Variants in LPIN2 observed in about 807,000 individuals in gnomAD.
LPIN2 encodes the protein lipin 2.
In LPIN2, 55 loss-of-function variants were observed where a neutral mutation model predicts 111.4. The observed-to-expected ratio is 0.49, with a 90% confidence interval of 0.40 to 0.62. The LOEUF (loss-of-function observed/expected upper bound fraction) is 0.62, where lower values mean the gene tolerates loss of function less well. Among genes scored for constraint, LPIN2 ranks in the 20% least tolerant of loss-of-function variants. The probability of loss-of-function intolerance (pLI) is 0.00; values close to 1 mark genes in which losing one functional copy is unlikely to be tolerated. For missense variants in LPIN2, 992 were observed against 1,112.1 expected (o/e 0.89, Z 1.54); for synonymous variants, 425 against 414.0 (o/e 1.03, Z -0.32).
At chr18:2,940,177 C>T (rs1257658366) in intron 5 of LPIN2, among the ~76,000 whole-genome samples, 1 of 151,846 alleles carries the variant, frequency 6.6e-6, no homozygotes, top group East Asian at 1.9e-4. Context: ...AAATTTAAAA[C>T]TTAGCTGAGC....
In LPIN2 at chr18:2,951,234, G is replaced by A. The variant is rs368711151; in HGVS notation, c.411C>T (p.Ile137=). 1 of 1,614,098 alleles carries A rather than the reference G, an allele frequency of 6.2e-7. No individual in the cohort carries two copies. The highest frequency in any genetic ancestry group is 1.3e-5 in the African/African-American group (1 of 74,978). Residue 137 remains isoleucine, a synonymous_variant, in exon 4 of 20, where the codon ATC becomes ATT. Coordinates refer to ENST00000677752, the MANE Select transcript of LPIN2 (RefSeq NM_001375808.2). Reference sequence around the variant, plus strand: ...TTGTCTCTGTTTCCAAGACGTGTGAGATGTCTGAACTCTGAGATGGTGTTT... The same window carrying A: ...TTGTCTCTGTTTCCAAGACGTGTGAAATGTCTGAACTCTGAGATGGTGTTT... ...GDETPSQSSD[I]SHVLETETIF...
At chr18:3,011,074 T>A (rs544860544) in intron 1 of LPIN2, among the ~76,000 whole-genome samples, 1 of 152,240 alleles carries the variant, frequency 6.6e-6, no homozygotes, top group Admixed American at 6.5e-5. Context: ...TGGAACTTAC[T>A]GAGCAGCTAT....
At chr18:2,926,374 AC>A (rs1423610487) in intron 13 of LPIN2, among the ~76,000 whole-genome samples, 1 of 152,100 alleles carries the variant, frequency 6.6e-6, no homozygotes, top group Non-Finnish European at 1.5e-5. Context: ...AGGAAAGGAA[AC>A]CCACCCAAGC....
rs1019214576 is a variant in LPIN2 at position 2,921,981 on chromosome 18, C to CA, written c.2327+65dup. ...TGACTTCTGTTCCCACACATCCCCC[C>CA]ACCTTGGGCCCAGCCCCGCCCACAT... is the stretch of plus-strand genomic sequence containing the variant. On this transcript the variant is annotated intron_variant, in intron 17 of 19. Transcript: ENST00000677752. 7.8e-6 allele frequency: 12 copies of CA among 1,542,884 alleles called. No individual in the cohort carries two copies. In the African/African-American group the frequency reaches 1.5e-4, roughly 19 times the overall value.
intron 1 of LPIN2, among the ~76,000 whole-genome samples, chr18:2,973,745 T>A (rs2077961572): frequency 6.6e-6 from 1 of 152,260 alleles, no homozygotes; most frequent in Admixed American, 6.5e-5. Flanking sequence ...AGTCCAAACA[T>A]AAAATTCATT....
Position 2,986,422 on chromosome 18 carries a change from T to A in LPIN2, c.-9-25573A>T, listed in dbSNP as rs1466830618. Reference sequence around the variant, plus strand: ...ACAGAAGAGAAAAAACAAGGGAGGGTCTCCTGAGGTCAGACGCCCAGCTTA... The same window carrying A: ...ACAGAAGAGAAAAAACAAGGGAGGGACTCCTGAGGTCAGACGCCCAGCTTA... On this transcript the variant is annotated intron_variant, in intron 1 of 19. Transcript: ENST00000677752. Among the ~76,000 whole-genome samples, 3 of 149,880 alleles carry A rather than the reference T, an allele frequency of 2.0e-5. No homozygotes were observed. The Admixed American group carries it at 2.0e-4, about 10-fold the overall frequency.
chr18:2,924,493 G>A lies in LPIN2; in HGVS notation c.1992C>T (p.Thr664=). Residue 664 remains threonine (T), a synonymous_variant, in exon 15 of 20, where the codon ACC becomes ACT. Coordinates refer to ENST00000677752, the MANE Select transcript of LPIN2 (RefSeq NM_001375808.2). The stretch of plus-strand genomic sequence containing the variant: ...CACAGCGACAGGTGCCTTGATACTG[G>A]GTTGTAATACTAAACACAACATCAT... The part of the protein sequence containing the change: ...GPNDVVFSIT[T]QYQGTCRCAG... 6.2e-7 allele frequency: 1 copy of A among 1,614,112 alleles called. No homozygotes were observed. The highest frequency in any genetic ancestry group is 8.5e-7 in the Non-Finnish European group (1 of 1,179,978).
chr18:2,951,228 G>A lies in LPIN2; in HGVS notation c.417C>T (p.His139=), dbSNP rs752124144. Residue 139 remains histidine, a synonymous_variant, in exon 4 of 20, where the codon CAC becomes CAT. Transcript: ENST00000677752. ...ETPSQSSDIS[H]VLETETIFTP... ...TAAAAATTGTCTCTGTTTCCAAGAC[G>A]TGTGAGATGTCTGAACTCTGAGATG... The A allele has an allele frequency of 6.2e-6, 10 of 1,613,878 alleles. No homozygotes were observed. Among genetic ancestry groups the A allele is most frequent in the African/African-American group, 5.3e-5 (4 of 74,834 alleles).
At chr18:2,960,516 A>G in intron 2 of LPIN2, 133 bp downstream of exon 2, 1 of 477,626 alleles carries the variant, frequency 2.1e-6, no homozygotes. Flanking sequence ...ATTCAGGTTA[A>G]AAAAAAAAAA....
Position 2,917,318 on chromosome 18 carries a change from T to G in LPIN2, c.*2975A>C, listed in dbSNP as rs1225509170. 6.6e-6 allele frequency: 1 copy of G among 152,236 alleles called. No individual in the cohort carries two copies. Among genetic ancestry groups the G allele is most frequent in the Non-Finnish European group, 1.5e-5 (1 of 68,040 alleles). 9.4% of individuals were successfully genotyped at this position (152,236 alleles called of 1,614,324 possible). Reference sequence around the variant, plus strand: ...AGGGAAAGACTCAATTTTTAACCAGTTTTATTAAACCCTGGAAGCTCTACA... The same window carrying G: ...AGGGAAAGACTCAATTTTTAACCAGGTTTATTAAACCCTGGAAGCTCTACA... On this transcript the variant is annotated 3_prime_UTR_variant, in exon 20 of 20. Transcript: ENST00000677752.
chr18:3,000,291 G>A lies in LPIN2; in HGVS notation c.-10+12796C>T, dbSNP rs2078415976. The stretch of plus-strand genomic sequence containing the variant: ...CTTTTTAAAGTACAGAAACAGGAGA[G>A]GAAAAAAAGGTAGGGAAAGGCAGGA... On this transcript the variant is annotated intron_variant, in intron 1 of 19. Coordinates refer to ENST00000677752, the MANE Select transcript of LPIN2 (RefSeq NM_001375808.2). Among the ~76,000 whole-genome samples, 3 of 151,916 alleles carry A rather than the reference G, an allele frequency of 2.0e-5. No individual in the cohort carries two copies. The South Asian group carries it at 6.2e-4, about 32-fold the overall frequency.
At position 2,926,804 on chromosome 18, in the gene LPIN2, A is replaced by T. The variant is rs142392384; in HGVS notation, c.1712T>A (p.Leu571Gln). 17 of 1,613,268 alleles carry T rather than the reference A, an allele frequency of 1.1e-5. No individual in the cohort carries two copies. Among genetic ancestry groups the T allele is most frequent in the Non-Finnish European group, 1.4e-5 (17 of 1,179,634 alleles). Reference protein sequence around the residue: ...WRKRESMTKQLPESKEGKSEA... With the variant: ...WRKRESMTKQQPESKEGKSEA... ...AGATTTTCCCTCCTTGGATTCTGGC[A>T]GCTGTAACAGCAAGATGATAATGGC... The change falls in exon 13 of 20, where the codon CTG becomes CAG. Residue 571 changes from leucine (L) to glutamine (Q), a missense_variant and splice_region_variant. This residue lies in a region of LPIN2 where 709 missense variants were observed against 753.2 expected (regional missense o/e 0.94). Coordinates refer to ENST00000677752, the MANE Select transcript of LPIN2 (RefSeq NM_001375808.2).
chr18:2,945,339 A>C (rs1568550056), intron 4 of LPIN2, among the ~76,000 whole-genome samples: 1 of 152,280 alleles, frequency 6.6e-6, no homozygotes, highest in Non-Finnish European at 1.5e-5. Context: ...CAGTAGGGAG[A>C]AACGAATAAT....
rs542665877 is a variant in LPIN2, at chr18:2,928,791, A to G, written c.1551-131T>C. ...CTTATTCTTTTCAATAAAGATGATC[A>G]GCTGAATTTTTTGTCACATGAATAA... On this transcript the variant is annotated intron_variant, in intron 10 of 19. Coordinates refer to ENST00000677752, the MANE Select transcript of LPIN2 (RefSeq NM_001375808.2). 4 of 778,746 alleles carry G rather than the reference A, an allele frequency of 5.1e-6. No individual in the cohort carries two copies. The East Asian group carries it at 1.1e-4, about 21-fold the overall frequency. 48.2% of individuals were successfully genotyped at this position (778,746 alleles called of 1,614,324 possible).
At chr18:2,988,523 T>C (rs1438588693) in intron 1 of LPIN2, among the ~76,000 whole-genome samples, 1 of 152,230 alleles carries the variant, frequency 6.6e-6, no homozygotes, top group Non-Finnish European at 1.5e-5. Context: ...GAAACACTGA[T>C]ACTCAGCTTT....
At chr18:2,965,731 CAAAAAA>C (rs35530040) in intron 1 of LPIN2, among the ~76,000 whole-genome samples, 1 of 103,266 alleles carries the variant, frequency 9.7e-6, no homozygotes, top group Non-Finnish European at 1.9e-5. Flanking sequence ...CTCCCAATCT[CAAAAAA>C]AAAAAAAAAA....
At chr18:2,975,916 C>G (rs1259701435) in intron 1 of LPIN2, among the ~76,000 whole-genome samples, 1 of 152,180 alleles carries the variant, frequency 6.6e-6, no homozygotes, top group East Asian at 1.9e-4. Flanking sequence ...TGAATTTTAT[C>G]CAAAATTCAA....
In LPIN2 at chr18:2,925,302, G is replaced by T. The variant is rs760510209; in HGVS notation, c.1860C>A (p.Asp620Glu). The T allele has an allele frequency of 6.2e-7, 1 of 1,614,160 alleles. No homozygotes were observed. Residue 620 changes from aspartate to glutamate, a missense_variant, in exon 14 of 20, where the codon GAC becomes GAA. Physicochemically the swap from Asp to Glu is conservative, Grantham distance 45. Around this residue, in one of 4 missense-constraint regions of LPIN2, gnomAD observed 709 missense variants for 753.2 expected, o/e 0.94. Transcript: ENST00000677752. The surrounding 1 kb of genome is among the most constrained non-coding windows in gnomAD (Gnocchi z 4.1). ...SQELEESITV[D>E]PIPTEPLSHG... ...GGCTCAGGGGCTCTGTGGGGATGGG[G>T]TCCACTGTGATGGATTCTTCGAGCT...
Position 2,919,718 on chromosome 18 carries a change from G to T in LPIN2, c.*575C>A. ...TGGGACTGGGCTCAGTGGCTCTGGT[G>T]CATGGGCCCTGCAGGGGCGGGGGTC... On this transcript the variant is annotated 3_prime_UTR_variant, in exon 20 of 20. Transcript: ENST00000677752. 1 of 172,500 alleles carries T rather than the reference G, an allele frequency of 5.8e-6. No individual in the cohort carries two copies. The highest frequency in any genetic ancestry group is 1.3e-5 in the Non-Finnish European group (1 of 79,144). The allele number at this position is 172,500 out of a possible 1,614,324, so 10.7% of individuals were successfully genotyped here.
Sources: gnomAD v4.1 joint callset for allele counts (sites outside exome capture counted in the v4.1 genomes callset) on GRCh38, gnomAD v4.1.1 for gene constraint, gnomAD v4.1.1 regional missense constraint, Gnocchi (gnomAD v3.1) non-coding constraint, MANE v1.5 for transcripts, NCBI Gene and HGNC (gene_info 2026-07-23, HGNC 2026-07-21) for gene names.